The following KIF18A variants were observed in gnomAD, a reference collection of about 807,000 sequenced individuals.
KIF18A encodes the protein kinesin family member 18A.
A neutral mutation model predicts 103.3 loss-of-function variants in KIF18A; 67 were observed. The ratio of observed to expected loss-of-function variants is 0.65; its 90% CI spans 0.53 to 0.79. The LOEUF is 0.79. KIF18A is among the 30% of genes least tolerant of loss of function. The pLI is 0.00. For synonymous variants in KIF18A, 367 were observed against 355.5 expected (o/e 1.03, Z -0.36); for missense variants, 1,032 against 1,062.5 (o/e 0.97, Z 0.40).
At chr11:28,102,110 C>G (rs922779166) in intron 1 of KIF18A, among the ~76,000 whole-genome samples, 2 of 152,052 alleles carry the variant, frequency 1.3e-5, no homozygotes, top group African/African-American at 4.8e-5. Flanking sequence ...TAGAGAATCC[C>G]CTTCCCTCTT....
At position 28,071,342 on chromosome 11, in the gene KIF18A, C is replaced by T. The variant is rs559370549; in HGVS notation, c.1426-1919G>A. On this transcript the variant is annotated intron_variant, in intron 10 of 16. Transcript: ENST00000263181. ...AATAGAGCTGATATGAAAAGCCAGG[C>T]ATTAAAGAAATTTGCAAACATGTAA... 6.6e-5 allele frequency among the ~76,000 whole-genome samples: 10 copies of T among 151,966 alleles called. No homozygotes were observed. In the South Asian group the frequency reaches 1.0e-3, roughly 16 times the overall value.
chr11:28,070,911 G>A (rs936788815), intron 10 of KIF18A, among the ~76,000 whole-genome samples: 8 of 152,260 alleles, frequency 5.3e-5, no homozygotes, highest in Non-Finnish European at 4.4e-5. Flanking sequence ...GGCTGGTTTC[G>A]TGGCATGTGC....
intron 13 of KIF18A, among the ~76,000 whole-genome samples, 160 bp downstream of exon 13, chr11:28,058,766 T>C (rs1187661697): frequency 6.6e-6 from 1 of 151,502 alleles, no homozygotes; most frequent in Non-Finnish European, 1.5e-5. Flanking sequence ...TCTAGATCTT[T>C]GGAAGATACT....
rs1385911306 is a variant in KIF18A at position 28,094,360 on chromosome 11, A to C, written c.483+283T>G. 2.0e-5 allele frequency among the ~76,000 whole-genome samples: 3 copies of C among 152,158 alleles called. 1 individual carries two copies. On this transcript the variant is annotated intron_variant, in intron 3 of 16. Coordinates refer to ENST00000263181, the MANE Select transcript of KIF18A (RefSeq NM_031217.4). ...CTCAGAAAGAAAGAAATGTATACAC[A>C]CACATAGAAAGCAAATGCAGTAAAA...
chr11:28,057,537 A>G (rs1665655106), intron 13 of KIF18A, among the ~76,000 whole-genome samples: 1 of 152,090 alleles, frequency 6.6e-6, no homozygotes, highest in Admixed American at 6.6e-5. Context: ...AACAAAAAAA[A>G]CAAAACAAAA....
intron 13 of KIF18A, among the ~76,000 whole-genome samples, chr11:28,051,603 C>G (rs1369970454): frequency 3.3e-5 from 5 of 151,880 alleles, no homozygotes; most frequent in Admixed American, 6.6e-5. Context: ...GAGAAAAAAG[C>G]TATTTTACTA....
chr11:28,077,122 C>T lies in KIF18A; in HGVS notation c.1310G>A (p.Arg437Lys), dbSNP rs755933624. Reference protein sequence around the residue: ...NCLFQNREEIRQEYLKLEMLL... With the variant: ...NCLFQNREEIKQEYLKLEMLL... ...CATTTCCAACTTCAGATATTCTTGT[C>T]TAATTTCTTCTCGATTCTGGAACAA... is the stretch of plus-strand genomic sequence containing the variant. Residue 437 changes from arginine to lysine, a missense_variant, in exon 10 of 17, where the codon AGA (arginine) becomes AAA (lysine). Transcript: ENST00000263181. 1.9e-6 allele frequency: 3 copies of T among 1,574,954 alleles called. No homozygotes were observed. Among genetic ancestry groups the T allele is most frequent in the East Asian group, 2.3e-5 (1 of 43,160 alleles).
intron 15 of KIF18A, 62 bp from the exon 16 acceptor site, chr11:28,023,912 A>G (rs972818819): frequency 1.0e-5 from 8 of 769,682 alleles, no homozygotes; most frequent in East Asian, 7.8e-5. Context: ...GTTCTAATAC[A>G]TATTGTACAT....
chr11:28,076,758 A>T (rs950032575), intron 10 of KIF18A: 3 of 195,544 alleles, frequency 1.5e-5, no homozygotes, highest in Non-Finnish European at 3.1e-5. Context: ...ACATTGTGAA[A>T]CATCATCTCT....
At chr11:28,025,831 A>T (rs1194588956) in intron 15 of KIF18A, among the ~76,000 whole-genome samples, 1 of 151,950 alleles carries the variant, frequency 6.6e-6, no homozygotes, top group African/African-American at 2.4e-5. Context: ...TTAAGAATTA[A>T]CCTTTTGCTC....
chr11:28,055,353 A>C (rs1020912924), intron 13 of KIF18A, among the ~76,000 whole-genome samples: 2 of 152,194 alleles, frequency 1.3e-5, no homozygotes, highest in Non-Finnish European at 2.9e-5. Flanking sequence ...GATTATTAAT[A>C]AGATGGTGAA....
At chr11:28,041,577 G>A (rs1417323963) in intron 13 of KIF18A, among the ~76,000 whole-genome samples, 1 of 151,766 alleles carries the variant, frequency 6.6e-6, no homozygotes, top group Non-Finnish European at 1.5e-5. Flanking sequence ...TATTCCAAGT[G>A]TAAAGGGAGA....
intron 11 of KIF18A, 78 bp downstream of exon 11, chr11:28,069,181 T>G: frequency 9.1e-7 from 1 of 1,093,488 alleles, no homozygotes; most frequent in Non-Finnish European, 1.4e-6. Context: ...TGAAAGACAT[T>G]TACTCAATAA....
chr11:28,062,055 A>T (rs1040675839), intron 12 of KIF18A, among the ~76,000 whole-genome samples: 1 of 152,140 alleles, frequency 6.6e-6, no homozygotes, highest in African/African-American at 2.4e-5. Context: ...AGTGATGTTA[A>T]CAGCAATTGC....
intron 12 of KIF18A, among the ~76,000 whole-genome samples, chr11:28,060,099 G>C (rs570972312): frequency 6.6e-6 from 1 of 152,138 alleles, no homozygotes; most frequent in Non-Finnish European, 1.5e-5. Flanking sequence ...CAGCAGCACC[G>C]AATGTAATTT....
At chr11:28,077,905 A>C (rs543375816) in intron 9 of KIF18A, among the ~76,000 whole-genome samples, 6 of 152,276 alleles carry the variant, frequency 3.9e-5, no homozygotes. Flanking sequence ...ATGGCCACAG[A>C]CTTCAAGCTG....
At position 28,083,179 on chromosome 11, in the gene KIF18A, T is replaced by C. The variant is rs1851186880; in HGVS notation, c.1139A>G (p.Gln380Arg). The C allele has an allele frequency of 3.8e-6, 6 of 1,576,372 alleles. No homozygotes were observed. Among genetic ancestry groups the C allele is most frequent in the Non-Finnish European group, 5.1e-6 (6 of 1,169,612 alleles). ...TATAAACAGACATACCTCTGCCTTCTGCTCATTACAGATCTTTACATATTG... is the reference window on the plus strand; with the variant it reads ...TATAAACAGACATACCTCTGCCTTCCGCTCATTACAGATCTTTACATATTG... ...ITQYVKICNEQKAEILLLKEK... is the reference protein window; with the variant it reads ...ITQYVKICNERKAEILLLKEK... Residue 380 changes from glutamine (Q) to arginine (R), a missense_variant, in exon 8 of 17, where the codon CAG becomes CGG. Transcript: ENST00000263181.
intron 15 of KIF18A, among the ~76,000 whole-genome samples, chr11:28,032,156 G>A (rs1294293511): frequency 6.6e-6 from 1 of 151,118 alleles, no homozygotes; most frequent in African/African-American, 2.4e-5. Context: ...ATAAGTAGGA[G>A]TTAACCAAAG....
intron 15 of KIF18A, among the ~76,000 whole-genome samples, chr11:28,033,556 G>C (rs1850438625): frequency 6.6e-6 from 1 of 151,780 alleles, no homozygotes; most frequent in Non-Finnish European, 1.5e-5. Context: ...CCTGTCATTT[G>C]CAACAGCATG....
Sources: gnomAD v4.1 joint callset for allele counts (sites outside exome capture counted in the v4.1 genomes callset) on GRCh38, gnomAD v4.1.1 for gene constraint, MANE v1.5 for transcripts, NCBI Gene and HGNC (gene_info 2026-07-23, HGNC 2026-07-21) for gene names.